Variants in PREP observed in about 807,000 individuals in gnomAD.
PREP encodes the protein prolyl endopeptidase.
A neutral mutation model predicts 87.6 loss-of-function variants in PREP; 29 were observed. The observed-to-expected ratio is 0.33, with a 90% CI of 0.25 to 0.45. The LOEUF (loss-of-function observed/expected upper bound fraction) is 0.45, where lower values mean the gene tolerates loss of function less well. Ranked by LOEUF, PREP falls within the 20% of genes least tolerant of loss-of-function variation. The pLI, the probability that PREP is intolerant of heterozygous loss-of-function variation, is 1.00. For synonymous variants in PREP, 337 were observed against 328.6 expected (o/e 1.03, Z -0.28); for missense variants, 695 against 886.5 (o/e 0.78, Z 2.74).
At chr6:105,389,420 C>A (rs1418943022) in intron 2 of PREP, among the ~76,000 whole-genome samples, 1 of 152,188 alleles carries the variant, frequency 6.6e-6, no homozygotes, top group East Asian at 1.9e-4. Flanking sequence ...CTCCACACTG[C>A]CTTGCAACAG....
intron 10 of PREP, among the ~76,000 whole-genome samples, chr6:105,294,987 C>T (rs1216086082): frequency 6.6e-6 from 1 of 152,102 alleles, no homozygotes; most frequent in Non-Finnish European, 1.5e-5. Context: ...CCATTGGATT[C>T]CTTCTCCTCC....
At chr6:105,361,630 A>G (rs113630387) in intron 6 of PREP, among the ~76,000 whole-genome samples, 8 of 152,352 alleles carry the variant, frequency 5.3e-5, no homozygotes, top group African/African-American at 1.7e-4. Flanking sequence ...AAAAGGAGTG[A>G]AAATGGATTT....
intron 2 of PREP, among the ~76,000 whole-genome samples, chr6:105,392,294 T>C (rs1773172814): frequency 1.3e-5 from 2 of 152,124 alleles, no homozygotes; most frequent in African/African-American, 4.8e-5. Context: ...CACCTTGGCC[T>C]CCCAAAGTGC....
intron 5 of PREP, among the ~76,000 whole-genome samples, chr6:105,373,073 G>A (rs1772598962): frequency 6.6e-6 from 1 of 152,168 alleles, no homozygotes; most frequent in Non-Finnish European, 1.5e-5. Flanking sequence ...AAAGAGCCAA[G>A]CCAAGATGAA....
intron 6 of PREP, among the ~76,000 whole-genome samples, chr6:105,353,771 C>CAAAA (rs397824826): frequency 0.077 from 5,445 of 70,874 alleles, 166 homozygotes; most frequent in Middle Eastern, 0.15. Flanking sequence ...GACTCCATCT[C>CAAAA]AAAAAAAAAA....
intron 10 of PREP, chr6:105,322,401 T>C: frequency 1.0e-6 from 1 of 963,582 alleles, no homozygotes; most frequent in Non-Finnish European, 1.2e-6. Flanking sequence ...ATCTCTACTT[T>C]ACAGTTGAAA....
chr6:105,367,326 C>T (rs1221557664), intron 6 of PREP, among the ~76,000 whole-genome samples: 1 of 151,810 alleles, frequency 6.6e-6, no homozygotes, highest in African/African-American at 2.4e-5. Flanking sequence ...CTCAGAAAAG[C>T]CATTAAAAAC....
At chr6:105,366,219 C>T (rs1441107820) in intron 6 of PREP, among the ~76,000 whole-genome samples, 1 of 152,054 alleles carries the variant, frequency 6.6e-6, no homozygotes, top group Admixed American at 6.5e-5. Context: ...ACTGAGCCAC[C>T]ACACTCTAGC....
intron 6 of PREP, among the ~76,000 whole-genome samples, chr6:105,366,421 C>G (rs1772384507): frequency 6.6e-6 from 1 of 152,144 alleles, no homozygotes; most frequent in Admixed American, 6.5e-5. Flanking sequence ...GATAATTACC[C>G]TAGTAGGTAT....
rs562550052 is a variant in PREP at position 105,337,944 on chromosome 6, T to C, written c.824-4439A>G. On this transcript the variant is annotated intron_variant, in intron 7 of 14. Transcript: ENST00000652536. ...CAAACTACTAACCTCAAAAGACTAC[T>C]CAGCAGGTGATCCACTCAAAGGTAA... is the stretch of plus-strand genomic sequence containing the variant. 1.8e-4 allele frequency among the ~76,000 whole-genome samples: 28 copies of C among 152,222 alleles called. No individual in the cohort carries two copies. In the South Asian group the frequency reaches 5.8e-3, roughly 32 times the overall value.
At chr6:105,372,698 C>T (rs911152329) in intron 5 of PREP, among the ~76,000 whole-genome samples, 3 of 152,142 alleles carry the variant, frequency 2.0e-5, no homozygotes, top group African/African-American at 7.2e-5. Flanking sequence ...GGAGAATATG[C>T]GATTACTGTA....
intron 6 of PREP, among the ~76,000 whole-genome samples, chr6:105,368,401 C>T (rs1337840524): frequency 6.6e-6 from 1 of 152,110 alleles, no homozygotes; most frequent in Admixed American, 6.5e-5. Context: ...CCTGTCAAGA[C>T]CCCCAAGGAA....
At chr6:105,351,385 G>A (rs1406695666) in intron 7 of PREP, among the ~76,000 whole-genome samples, 4 of 151,674 alleles carry the variant, frequency 2.6e-5, no homozygotes, top group Non-Finnish European at 5.9e-5. Context: ...TGGTTTTTGA[G>A]AGCCTAGTGC....
rs1310535533 is a variant in PREP at position 105,288,767 on chromosome 6, G to T, written c.1445C>A (p.Pro482His). The T allele has an allele frequency of 6.2e-7, 1 of 1,614,052 alleles. No individual in the cohort carries two copies. Among genetic ancestry groups the T allele is most frequent in the Non-Finnish European group, 8.5e-7 (1 of 1,179,970 alleles). The change falls in exon 11 of 15, where the codon CCC becomes CAC. Residue 482 changes from proline to histidine, a missense_variant. Physicochemically the swap from Pro to His is moderately conservative, Grantham distance 77 (BLOSUM62 -2). This residue lies in a region of PREP where 517 missense variants were observed against 620.3 expected (regional missense o/e 0.83). Transcript: ENST00000652536. ...TGCGTTCCGAGCTCACCTGTAGTTG[G>T]GTGTGATGGATATGTTGAAGCCGCC... Reference protein sequence around the residue: ...GYGGFNISITPNYSVSRLIFV... With the variant: ...GYGGFNISITHNYSVSRLIFV...
At chr6:105,280,996 C>T (rs771348834) in intron 14 of PREP, 9 of 151,986 alleles carry the variant, frequency 5.9e-5, no homozygotes, top group South Asian at 2.1e-4. Context: ...AACAAATTAC[C>T]ACAAATTTTA....
intron 2 of PREP, among the ~76,000 whole-genome samples, chr6:105,395,355 C>T (rs773524713): frequency 1.3e-5 from 2 of 152,068 alleles, no homozygotes; most frequent in African/African-American, 2.4e-5. Flanking sequence ...ATAACCACCT[C>T]GTCTACCTGG....
chr6:105,285,431 A>C (rs552031277), intron 12 of PREP, 55 bp downstream of exon 12: 1 of 1,540,678 alleles, frequency 6.5e-7, no homozygotes, highest in South Asian at 1.1e-5. Context: ...AAGGATCAGC[A>C]CAACCTTAGC....
At chr6:105,368,852 A>G (rs560917954) in intron 6 of PREP, 51 bp downstream of exon 6, 2 of 1,601,994 alleles carry the variant, frequency 1.2e-6, no homozygotes, top group East Asian at 2.2e-5. Context: ...ATTTATACAC[A>G]CATCCATGAA....
At chr6:105,324,024 T>C (rs1222356796) in intron 9 of PREP, among the ~76,000 whole-genome samples, 1 of 152,218 alleles carries the variant, frequency 6.6e-6, no homozygotes, top group Non-Finnish European at 1.5e-5. Context: ...CACTAGTAAG[T>C]ATATACATTT....
Sources: gnomAD v4.1 joint callset for allele counts (sites outside exome capture counted in the v4.1 genomes callset) on GRCh38, gnomAD v4.1.1 for gene constraint, gnomAD v4.1.1 regional missense constraint, MANE v1.5 for transcripts, NCBI Gene and HGNC (gene_info 2026-07-23, HGNC 2026-07-21) for gene names.